MAML2: variants seen among roughly 807,000 people sequenced by gnomAD.
MAML2 encodes mastermind like transcriptional coactivator 2.
A neutral mutation model predicts 96.1 loss-of-function variants in MAML2; 22 were observed. The observed-to-expected ratio is 0.23, with a 90% CI of 0.16 to 0.33. The LOEUF is 0.33. Ranked by LOEUF, MAML2 falls within the 10% of genes least tolerant of loss-of-function variation. MAML2 has a pLI of 1.00. For synonymous variants in MAML2, 561 were observed against 521.3 expected (o/e 1.08, Z -1.04); for missense variants, 1,367 against 1,392.4 (o/e 0.98, Z 0.29).
chr11:96,155,110 T>C (rs1035400889), intron 1 of MAML2, among the ~76,000 whole-genome samples: 2 of 152,142 alleles, frequency 1.3e-5, no homozygotes, highest in African/African-American at 4.8e-5. Flanking sequence ...GTCTGCCTAA[T>C]TGGGGACTTC....
At chr11:96,234,712 G>A (rs1862343587) in intron 1 of MAML2, among the ~76,000 whole-genome samples, 1 of 152,038 alleles carries the variant, frequency 6.6e-6, no homozygotes, top group African/African-American at 2.4e-5. Context: ...ACACCTTCAA[G>A]CTTTCTTTAT....
At chr11:96,325,591 C>A (rs1863765089) in intron 1 of MAML2, among the ~76,000 whole-genome samples, 1 of 152,022 alleles carries the variant, frequency 6.6e-6, no homozygotes, top group African/African-American at 2.4e-5. Flanking sequence ...AGTTATCTTC[C>A]TTAGATTTAT....
At position 96,085,168 on chromosome 11, in the gene MAML2, A is replaced by ATGTG. The variant is rs36001457; in HGVS notation, c.2139+6720_2139+6723dup. Among the ~76,000 whole-genome samples the ATGTG allele has an allele frequency of 3.2e-3, 476 of 150,490 alleles. 4 individuals are homozygous for ATGTG. The highest frequency in any genetic ancestry group is 0.011 in the African/African-American group (461 of 41,348). On this transcript the variant is annotated intron_variant, in intron 2 of 4. Transcript: ENST00000524717. ...CCAGAGAGCTGCCTAGGCTATGCGTATGTGTGTGTGTGTGTGTTTAAGTTT... is the reference window on the plus strand; with the variant it reads ...CCAGAGAGCTGCCTAGGCTATGCGTATGTGTGTGTGTGTGTGTGTGTTTAAGTTT...
At chr11:96,212,496 A>G (rs902047013) in intron 1 of MAML2, among the ~76,000 whole-genome samples, 16 of 152,178 alleles carry the variant, frequency 1.1e-4, no homozygotes, top group African/African-American at 3.6e-4. Flanking sequence ...AACTGCAATG[A>G]CTTATGCACC....
At chr11:96,076,410 C>T (rs1192533991) in intron 2 of MAML2, among the ~76,000 whole-genome samples, 1 of 144,946 alleles carries the variant, frequency 6.9e-6, no homozygotes, top group East Asian at 2.0e-4. Flanking sequence ...CAAGGCTGCT[C>T]TCTTTTGTCT....
At chr11:96,163,293 A>C (rs1861143029) in intron 1 of MAML2, among the ~76,000 whole-genome samples, 1 of 152,164 alleles carries the variant, frequency 6.6e-6, no homozygotes, top group Non-Finnish European at 1.5e-5. Context: ...ATGCTGTAGA[A>C]ATGATTCAGG....
At chr11:96,198,297 C>T (rs1218124859) in intron 1 of MAML2, among the ~76,000 whole-genome samples, 1 of 152,146 alleles carries the variant, frequency 6.6e-6, no homozygotes, top group Non-Finnish European at 1.5e-5. Context: ...TGCTCCTTTA[C>T]GTGTTGCCTG....
At chr11:96,126,495 G>A (rs1209643370) in intron 1 of MAML2, among the ~76,000 whole-genome samples, 2 of 152,158 alleles carry the variant, frequency 1.3e-5, no homozygotes, top group Admixed American at 6.5e-5. Flanking sequence ...CCAGGAGGCG[G>A]AGCTTGCAGT....
intron 1 of MAML2, among the ~76,000 whole-genome samples, chr11:96,190,020 T>G (rs1021934368): frequency 6.6e-6 from 1 of 152,196 alleles, no homozygotes; most frequent in Non-Finnish European, 1.5e-5. Context: ...ACTCCCTTTT[T>G]CAAGGAATGA....
At chr11:96,302,559 T>C (rs2135999206) in intron 1 of MAML2, among the ~76,000 whole-genome samples, 1 of 152,320 alleles carries the variant, frequency 6.6e-6, no homozygotes, top group South Asian at 2.1e-4. Context: ...CACTTGGATA[T>C]AAACCAGCTG....
chr11:96,107,306 T>C (rs1860039596), intron 1 of MAML2, among the ~76,000 whole-genome samples: 1 of 152,168 alleles, frequency 6.6e-6, no homozygotes. Flanking sequence ...ATAGGAGCTT[T>C]GGGGGTAGTT....
intron 2 of MAML2, among the ~76,000 whole-genome samples, chr11:96,063,853 T>C (rs564596142): frequency 1.1e-4 from 17 of 152,372 alleles, no homozygotes; most frequent in Non-Finnish European, 1.3e-4. Flanking sequence ...TTTGCAAATT[T>C]AGTCTAAATA....
intron 2 of MAML2, among the ~76,000 whole-genome samples, chr11:95,995,804 C>T (rs944374938): frequency 6.6e-6 from 1 of 152,132 alleles, no homozygotes; most frequent in Non-Finnish European, 1.5e-5. Flanking sequence ...TCACTTCTAT[C>T]ATTTGCCTGG....
In MAML2 at chr11:96,274,362, G is replaced by A. The variant is rs373332931; in HGVS notation, c.513+67021C>T. 2.6e-5 allele frequency among the ~76,000 whole-genome samples: 4 copies of A among 152,012 alleles called. 1 individual carries two copies. The highest frequency in any genetic ancestry group is 4.1e-4 in the South Asian group (2 of 4,836). On this transcript the variant is annotated intron_variant, in intron 1 of 4. Coordinates refer to ENST00000524717, the MANE Select transcript of MAML2 (RefSeq NM_032427.4). ...CTTCCAAAGTACTGGGAATACAGGC[G>A]TGAGCCACCGCACCTGGCCCCTACT...
chr11:96,177,957 T>TGTGTGTGTGTGTGTGTG (rs1565238928), intron 1 of MAML2, among the ~76,000 whole-genome samples: 3 of 149,862 alleles, frequency 2.0e-5, no homozygotes, highest in Non-Finnish European at 3.0e-5. Flanking sequence ...TGTGTGTGTG[T>TGTGTGTGTGTGTGTGTG]TTAAATAAGA....
At chr11:96,081,114 G>T (rs1269991922) in intron 2 of MAML2, among the ~76,000 whole-genome samples, 1 of 152,158 alleles carries the variant, frequency 6.6e-6, no homozygotes, top group Non-Finnish European at 1.5e-5. Context: ...TCCTGAAAAG[G>T]CAGGGGGTGA....
At chr11:96,047,737 T>C (rs1200441774) in intron 2 of MAML2, among the ~76,000 whole-genome samples, 2 of 151,694 alleles carry the variant, frequency 1.3e-5, no homozygotes, top group South Asian at 2.1e-4. Context: ...GGTGAAACCC[T>C]GTCTCTACTA....
chr11:96,078,349 A>G (rs7925014), intron 2 of MAML2, among the ~76,000 whole-genome samples: 2,569 of 152,346 alleles, frequency 0.017, 73 homozygotes, highest in African/African-American at 0.059. Context: ...GGATAGTTCA[A>G]TCATAGATAG....
intron 1 of MAML2, among the ~76,000 whole-genome samples, chr11:96,297,260 TA>T (rs1385546523): frequency 3.9e-5 from 6 of 152,164 alleles, no homozygotes; most frequent in African/African-American, 1.2e-4. Flanking sequence ...AAGTTTTAAA[TA>T]TTTGAGACTT....
Sources: allele counts gnomAD v4.1 joint callset (sites outside exome capture counted in the v4.1 genomes callset), GRCh38; gene constraint gnomAD v4.1.1; transcripts MANE v1.5; gene names NCBI Gene and HGNC (gene_info 2026-07-23, HGNC 2026-07-21).